Variants in HDAC4 observed in about 807,000 individuals in gnomAD.
HDAC4 encodes the protein histone deacetylase A.
HDAC4 carries 16 observed loss-of-function variants against 135.1 expected under a neutral mutation model. The observed-to-expected ratio is 0.12, with a 90% CI of 0.08 to 0.18. HDAC4 has a LOEUF of 0.18. Among genes scored for constraint, HDAC4 ranks in the 10% least tolerant of loss-of-function variants. The probability of loss-of-function intolerance (pLI) is 1.00; values close to 1 mark genes in which losing one functional copy is unlikely to be tolerated. For missense variants in HDAC4, 1,143 were observed against 1,511.8 expected (o/e 0.76, Z 4.05); for synonymous variants, 685 against 653.4 (o/e 1.05, Z -0.74).
At chr2:239,111,770 A>G (rs1403090979) in intron 13 of HDAC4, 58 bp from the exon 14 acceptor site, 17 of 1,466,248 alleles carry the variant, frequency 1.2e-5, no homozygotes, top group Non-Finnish European at 1.6e-5. Flanking sequence ...CCTGGGCTGC[A>G]GGGCTAGGGG....
Position 239,331,155 on chromosome 2 carries a change from C to T in HDAC4, c.22+21523G>A, listed in dbSNP as rs1210494477. Among the ~76,000 whole-genome samples, 2 of 152,188 alleles carry T rather than the reference C, an allele frequency of 1.3e-5. No homozygotes were observed. Among genetic ancestry groups the T allele is most frequent in the South Asian group, 2.1e-4 (1 of 4,832 alleles). ...GGAGGAAGCGGGGCTGATGGGCCAT[C>T]GGAGCAAAGCGCGGCCAGCACTGTC... On this transcript the variant is annotated intron_variant, in intron 2 of 26. Coordinates refer to ENST00000543185, the MANE Select transcript of HDAC4 (RefSeq NM_001378414.1). This position sits in a 1 kb window ranked among gnomAD's most constrained non-coding sequence, Gnocchi z 4.5.
rs978662663 is a variant in HDAC4, at chr2:239,176,467, G to T, written c.436C>A (p.Gln146Lys). 6 of 1,613,246 alleles carry T rather than the reference G, an allele frequency of 3.7e-6. No individual in the cohort carries two copies. Among genetic ancestry groups the T allele is most frequent in the African/African-American group, 1.3e-5 (1 of 74,900 alleles). The change falls in exon 5 of 27, where the codon CAG becomes AAG. Residue 146 changes from glutamine to lysine, a missense_variant. Gln to Lys is a moderately conservative substitution (Grantham distance 53). Coordinates refer to ENST00000543185, the MANE Select transcript of HDAC4 (RefSeq NM_001378414.1). ...TGCTGCAGCTTCTGCTCCCGGTGCT[G>T]CTTCTCCAGCTCCTGCTCCTGGCGG... ...RHRQEQELEK[Q>K]HREQKLQQLK...
chr2:239,143,529 T>G (rs2041546467), intron 8 of HDAC4, among the ~76,000 whole-genome samples: 1 of 152,310 alleles, frequency 6.6e-6, no homozygotes, highest in East Asian at 1.9e-4. Flanking sequence ...GGAGTTCCCC[T>G]GGGCATGAAG....
Position 239,308,893 on chromosome 2 carries a change from G to A in HDAC4, c.22+43785C>T, listed in dbSNP as rs935712176. Among the ~76,000 whole-genome samples the A allele has an allele frequency of 2.6e-5, 4 of 152,134 alleles. No individual in the cohort carries two copies. The highest frequency in any genetic ancestry group is 9.7e-5 in the African/African-American group (4 of 41,420). ...CCCCTTCCTCTACACCCAAGCCCTC[G>A]GAAGCACGCTGCAGGCCCCTGGAGG... On this transcript the variant is annotated intron_variant, in intron 2 of 26. Transcript: ENST00000543185. The surrounding 1 kb of genome is among the most constrained non-coding windows in gnomAD (Gnocchi z 4.2).
Position 239,249,315 on chromosome 2 carries a change from G to A in HDAC4, c.23-12651C>T, listed in dbSNP as rs530169232. On this transcript the variant is annotated intron_variant, in intron 2 of 26. Transcript: ENST00000543185. The stretch of plus-strand genomic sequence containing the variant: ...CACCATGCGGAGTGTCGCCCAGGGC[G>A]GGGAGGGGCTGCGGAAGGCGGGGGA... Among the ~76,000 whole-genome samples, 4 of 152,316 alleles carry A rather than the reference G, an allele frequency of 2.6e-5. No homozygotes were observed. The East Asian group carries it at 5.8e-4, about 22-fold the overall frequency.
intron 1 of HDAC4, among the ~76,000 whole-genome samples, chr2:239,355,673 AC>A (rs1349151985): frequency 1.3e-5 from 2 of 152,168 alleles, no homozygotes; most frequent in Non-Finnish European, 2.9e-5. Flanking sequence ...ATTCTGGGAT[AC>A]CCTTTTTTTG....
chr2:239,098,469 G>A (rs1006227879), intron 16 of HDAC4, among the ~76,000 whole-genome samples: 2 of 152,228 alleles, frequency 1.3e-5, no homozygotes, highest in African/African-American at 2.4e-5. Flanking sequence ...ACCCTACCCT[G>A]AGCATCACCG....
intron 18 of HDAC4, 68 bp from the exon 19 acceptor site, chr2:239,087,682 T>G (rs1010335630): frequency 1.4e-6 from 2 of 1,461,028 alleles, no homozygotes; most frequent in African/African-American, 1.4e-5. Context: ...GGGAAAATGG[T>G]TGCACACTCA....
intron 2 of HDAC4, among the ~76,000 whole-genome samples, chr2:239,314,879 C>T (rs1192864581): frequency 1.3e-5 from 2 of 152,166 alleles, no homozygotes; most frequent in Non-Finnish European, 2.9e-5. Context: ...CAACATTAAC[C>T]TGAAAAGCTA....
At chr2:239,117,030 C>T (rs1357545796) in intron 12 of HDAC4, among the ~76,000 whole-genome samples, 2 of 152,208 alleles carry the variant, frequency 1.3e-5, no homozygotes, top group Non-Finnish European at 2.9e-5. Flanking sequence ...CCACTTCTGA[C>T]TCATCCACGT....
intron 16 of HDAC4, among the ~76,000 whole-genome samples, chr2:239,099,442 T>C (rs1288800214): frequency 1.3e-5 from 2 of 152,228 alleles, no homozygotes; most frequent in East Asian, 3.8e-4. Context: ...GGCAAAGATC[T>C]TGTCCCCTCA....
intron 2 of HDAC4, among the ~76,000 whole-genome samples, chr2:239,333,619 CAATAA>C (rs1258951545): frequency 2.0e-5 from 3 of 151,820 alleles, no homozygotes; most frequent in Non-Finnish European, 4.4e-5. Context: ...AAATTCAACA[CAATAA>C]AATAAAGAAA....
intron 2 of HDAC4, among the ~76,000 whole-genome samples, chr2:239,341,796 A>G (rs1195291309): frequency 2.0e-5 from 3 of 152,248 alleles, no homozygotes; most frequent in Non-Finnish European, 4.4e-5. Flanking sequence ...TGGCTTTAGC[A>G]GCTGCTGTGG....
Position 239,068,460 on chromosome 2 carries a change from G to T in HDAC4, c.2869+29C>A. On this transcript the variant is annotated intron_variant, in intron 23 of 26. Transcript: ENST00000543185. This position sits in a 1 kb window ranked among gnomAD's most constrained non-coding sequence, Gnocchi z 4.4. ...CGGATCATGGACATGAGCAGAACCG[G>T]CTCCTCAGTCATATGCAGAACCACT... 1 of 1,480,488 alleles carries T rather than the reference G, an allele frequency of 6.8e-7. No individual in the cohort carries two copies. Among genetic ancestry groups the T allele is most frequent in the Non-Finnish European group, 9.5e-7 (1 of 1,058,138 alleles). The allele number at this position is 1,480,488 out of a possible 1,614,324, so 91.7% of individuals were successfully genotyped here. A position where few individuals can be genotyped will look rare whatever the true frequency, so the allele number is the denominator to read the frequency against.
intron 1 of HDAC4, among the ~76,000 whole-genome samples, chr2:239,360,726 T>C (rs1693810683): frequency 6.6e-6 from 1 of 152,090 alleles, no homozygotes; most frequent in Non-Finnish European, 1.5e-5. Flanking sequence ...GAAAGAGTAC[T>C]AGACAGGGAG....
intron 1 of HDAC4, among the ~76,000 whole-genome samples, chr2:239,367,946 C>T (rs1477989058): frequency 6.6e-6 from 1 of 152,030 alleles, no homozygotes; most frequent in African/African-American, 2.4e-5. Flanking sequence ...CCACTGCACT[C>T]CAGCCTGGGC....
intron 3 of HDAC4, among the ~76,000 whole-genome samples, chr2:239,206,136 T>C (rs1219569847): frequency 6.6e-6 from 1 of 152,148 alleles, no homozygotes. Flanking sequence ...AAGACCAGCC[T>C]GTGAGGCATA....
intron 2 of HDAC4, among the ~76,000 whole-genome samples, chr2:239,316,762 C>T (rs1275875621): frequency 6.6e-6 from 1 of 152,062 alleles, no homozygotes. Flanking sequence ...TGAAAGCACA[C>T]AAGGCCACCC....
At position 239,356,992 on chromosome 2, in the gene HDAC4, GAGA is replaced by G. The variant is rs200313752; in HGVS notation, c.-219-4077_-219-4075del. On this transcript the variant is annotated intron_variant, in intron 1 of 26. Transcript: ENST00000543185. ...AACAAGTAGACAGAAAATAAGAACA[GAGA>G]AGACCTGACCACTACCACCCAACTT... Among the ~76,000 whole-genome samples the G allele has an allele frequency of 5.0e-3, 757 of 152,338 alleles. 4 individuals are homozygous for G. Among genetic ancestry groups the G allele is most frequent in the African/African-American group, 0.017 (714 of 41,586 alleles).
Sources: allele counts gnomAD v4.1 joint callset (sites outside exome capture counted in the v4.1 genomes callset), GRCh38; gene constraint gnomAD v4.1.1; non-coding constraint Gnocchi (gnomAD v3.1); transcripts MANE v1.5; gene names NCBI Gene and HGNC (gene_info 2026-07-23, HGNC 2026-07-21).